Variants in MBNL1 observed in about 807,000 individuals in gnomAD.
MBNL1 encodes muscleblind-like protein 1.
MBNL1 carries 8 observed loss-of-function variants against 42.2 expected under a neutral mutation model. The ratio of observed to expected loss-of-function variants is 0.19; its 90% CI spans 0.11 to 0.34. The LOEUF (loss-of-function observed/expected upper bound fraction) is 0.34. Ranked by LOEUF, MBNL1 falls within the 10% of genes least tolerant of loss-of-function variation. MBNL1 has a pLI of 1.00. For missense variants in MBNL1, 309 were observed against 495.3 expected, an observed-to-expected ratio of 0.62 and a Z score of 3.57; for synonymous variants, 169 against 173.9, an observed-to-expected ratio of 0.97 and a Z score of 0.22.
chr3:152,346,123 G>A (rs1301204534), intron 2 of MBNL1, among the ~76,000 whole-genome samples: 5 of 152,082 alleles, frequency 3.3e-5, no homozygotes, highest in South Asian at 2.1e-4. Flanking sequence ...GCCAGAGGTC[G>A]GATTCATGTG....
At chr3:152,443,515 T>TA (rs2099174261) in intron 4 of MBNL1, among the ~76,000 whole-genome samples, 1 of 53,588 alleles carries the variant, frequency 1.9e-5, no homozygotes, top group South Asian at 5.5e-4. Flanking sequence ...CACAACTTTT[T>TA]ATCATTATTT....
At chr3:152,375,493 T>A (rs191209970) in intron 2 of MBNL1, among the ~76,000 whole-genome samples, 1 of 152,302 alleles carries the variant, frequency 6.6e-6, no homozygotes, top group East Asian at 1.9e-4. Flanking sequence ...CTCATGCCTG[T>A]AATCCCAGCA....
chr3:152,307,235 C>T (rs749537157), intron 2 of MBNL1, among the ~76,000 whole-genome samples: 6 of 152,166 alleles, frequency 3.9e-5, no homozygotes, highest in Non-Finnish European at 8.8e-5. Context: ...GTGATCAGCC[C>T]GCCTTGGCCT....
chr3:152,329,695 T>TTA (rs200400979), intron 2 of MBNL1, among the ~76,000 whole-genome samples: 2,809 of 132,354 alleles, frequency 0.021, 85 homozygotes, highest in African/African-American at 0.065. Flanking sequence ...ATCTTATATA[T>TTA]TATATATATA....
chr3:152,387,747 T>C (rs1180602396), intron 2 of MBNL1, among the ~76,000 whole-genome samples: 2 of 152,166 alleles, frequency 1.3e-5, no homozygotes, highest in Admixed American at 6.5e-5. Flanking sequence ...TGAGCAGTTA[T>C]GACTCTTGTA....
chr3:152,302,268 GTCTT>G (rs921677303), intron 2 of MBNL1: 5 of 151,370 alleles, frequency 3.3e-5, no homozygotes, highest in Non-Finnish European at 5.9e-5. Context: ...CTTTTTCTTT[GTCTT>G]TCTAAGAGAA....
At chr3:152,443,615 C>T (rs2099176418) in intron 4 of MBNL1, among the ~76,000 whole-genome samples, 1 of 151,708 alleles carries the variant, frequency 6.6e-6, no homozygotes, top group Non-Finnish European at 1.5e-5. Flanking sequence ...TTAGCAAGCT[C>T]CATAGCTGAT....
chr3:152,429,086 T>G (rs1028991850), intron 3 of MBNL1, among the ~76,000 whole-genome samples: 7 of 145,186 alleles, frequency 4.8e-5, no homozygotes, highest in African/African-American at 1.7e-4. Flanking sequence ...TCTGTACCCC[T>G]CAAAAAACAC....
intron 1 of MBNL1, among the ~76,000 whole-genome samples, chr3:152,273,810 A>G (rs1383010013): frequency 6.6e-6 from 1 of 152,186 alleles, no homozygotes; most frequent in African/African-American, 2.4e-5. Flanking sequence ...TGAGAGATGT[A>G]TGTTTTATAT....
intron 2 of MBNL1, among the ~76,000 whole-genome samples, chr3:152,330,180 G>A (rs1038774183): frequency 1.3e-5 from 2 of 152,128 alleles, no homozygotes; most frequent in Non-Finnish European, 1.5e-5. Flanking sequence ...GACTGAATCT[G>A]TGTTGTCCTG....
chr3:152,393,449 C>G (rs894958492), intron 2 of MBNL1, among the ~76,000 whole-genome samples: 1 of 152,196 alleles, frequency 6.6e-6, no homozygotes, highest in Non-Finnish European at 1.5e-5. Flanking sequence ...CAGCAAAGAG[C>G]TAAAAGTCTC....
chr3:152,305,398 C>G (rs1437560715), intron 2 of MBNL1, among the ~76,000 whole-genome samples: 1 of 152,124 alleles, frequency 6.6e-6, no homozygotes, highest in East Asian at 1.9e-4. Context: ...TAATCCGTTA[C>G]CTTTCATGCT....
At chr3:152,416,956 TTTATG>T in intron 3 of MBNL1, among the ~76,000 whole-genome samples, 1 of 152,216 alleles carries the variant, frequency 6.6e-6, no homozygotes, top group Non-Finnish European at 1.5e-5. Flanking sequence ...ATATTCAGGC[TTTATG>T]TTAATTTTTC....
At chr3:152,346,360 G>A (rs1344233194) in intron 2 of MBNL1, among the ~76,000 whole-genome samples, 5 of 152,010 alleles carry the variant, frequency 3.3e-5, no homozygotes, top group Non-Finnish European at 4.4e-5. Flanking sequence ...TTAAATCATC[G>A]TTTATTTATA....
At position 152,300,046 on chromosome 3, in the gene MBNL1, G is replaced by A; in HGVS notation, c.-148G>A. On this transcript the variant is annotated 5_prime_UTR_variant, in exon 2 of 10. It removes an upstream start codon present in the reference 5' UTR. Transcript: ENST00000324210. Reference sequence around the variant, plus strand: ...TGATATTGACGACACAATTTTCCATGTACTTTTAAAGCAGGGAGTGGGGAA... The same window carrying A: ...TGATATTGACGACACAATTTTCCATATACTTTTAAAGCAGGGAGTGGGGAA... 1 of 526,614 alleles carries A rather than the reference G, an allele frequency of 1.9e-6. No homozygotes were observed. The highest frequency in any genetic ancestry group is 3.4e-6 in the Non-Finnish European group (1 of 297,208). The allele number at this position is 526,614 out of a possible 1,614,324, so 32.6% of individuals were successfully genotyped here. A position where few individuals can be genotyped will look rare whatever the true frequency, so the allele number is the denominator to read the frequency against.
intron 2 of MBNL1, among the ~76,000 whole-genome samples, chr3:152,318,845 A>G (rs1560123559): frequency 6.6e-6 from 1 of 152,202 alleles, no homozygotes; most frequent in Non-Finnish European, 1.5e-5. Context: ...ACAGGCATTC[A>G]CAGACTGCAA....
intron 2 of MBNL1, among the ~76,000 whole-genome samples, chr3:152,330,017 T>C (rs1236013827): frequency 6.6e-6 from 1 of 151,932 alleles, no homozygotes; most frequent in Non-Finnish European, 1.5e-5. Context: ...ATAGTAAACA[T>C]TGTGTGTATG....
chr3:152,417,296 A>G (rs890780762), intron 3 of MBNL1, among the ~76,000 whole-genome samples: 2 of 152,196 alleles, frequency 1.3e-5, no homozygotes, highest in Non-Finnish European at 2.9e-5. Flanking sequence ...GGCCTTACAA[A>G]TAGGGATTGT....
intron 1 of MBNL1, among the ~76,000 whole-genome samples, chr3:152,276,020 T>A (rs1426608): frequency 0.55 from 83,277 of 151,816 alleles, 23,178 homozygotes; most frequent in Middle Eastern, 0.63. Flanking sequence ...CTGGCTGTAT[T>A]CTTTTAAGTA....
Sources: gnomAD v4.1 joint callset for allele counts (sites outside exome capture counted in the v4.1 genomes callset) on GRCh38, gnomAD v4.1.1 for gene constraint, MANE v1.5 for transcripts, NCBI Gene and HGNC (gene_info 2026-07-23, HGNC 2026-07-21) for gene names.